Variants in LVRN observed in about 807,000 individuals in gnomAD.
The protein encoded by LVRN is aminopeptidase Q.
In LVRN, 99 loss-of-function variants were observed where a neutral mutation model predicts 111.4. The ratio of observed to expected loss-of-function variants is 0.89; its 90% CI spans 0.76 to 1.05. LVRN has a LOEUF of 1.05. Ranked by LOEUF, LVRN falls within the 50% of genes least tolerant of loss-of-function variation. The pLI is 0.00. For synonymous variants in LVRN, 488 were observed against 449.5 expected, an observed-to-expected ratio of 1.09 and a Z score of -1.08; for missense variants, 1,414 against 1,206.8, an observed-to-expected ratio of 1.17 and a Z score of -2.54.
intron 14 of LVRN, among the ~76,000 whole-genome samples, chr5:116,011,190 GTT>G (rs34031653): frequency 6.9e-6 from 1 of 144,036 alleles, no homozygotes. Context: ...TGGTATGCCT[GTT>G]TTTTTTTTTT....
intron 12 of LVRN, among the ~76,000 whole-genome samples, chr5:116,005,088 G>A (rs895401408): frequency 1.3e-5 from 2 of 152,080 alleles, no homozygotes; most frequent in African/African-American, 2.4e-5. Flanking sequence ...TTATTTCTAC[G>A]ACATAATTGG....
intron 18 of LVRN, among the ~76,000 whole-genome samples, chr5:116,018,148 T>A (rs941993917): frequency 2.6e-5 from 4 of 152,046 alleles, no homozygotes; most frequent in Non-Finnish European, 1.5e-5. Flanking sequence ...TAATTACAGT[T>A]TTCACAGCCA....
At chr5:115,982,372 G>T (rs947945794) in intron 1 of LVRN, among the ~76,000 whole-genome samples, 4 of 152,112 alleles carry the variant, frequency 2.6e-5, no homozygotes, top group Admixed American at 6.6e-5. Flanking sequence ...CAAGAATTGG[G>T]CCTGATGCAA....
intron 1 of LVRN, among the ~76,000 whole-genome samples, chr5:115,982,191 G>A (rs6883304): frequency 0.46 from 69,655 of 152,024 alleles, 16,169 homozygotes; most frequent in South Asian, 0.53. Flanking sequence ...ACCTCAAAAT[G>A]GCTGACTGAG....
chr5:116,023,919 TA>T (rs1748808407), intron 19 of LVRN, among the ~76,000 whole-genome samples: 1 of 152,136 alleles, frequency 6.6e-6, no homozygotes, highest in African/African-American at 2.4e-5. Flanking sequence ...GGTAAAAGAA[TA>T]AGGAAAAGTA....
intron 1 of LVRN, chr5:115,975,247 A>T (rs1224997223): frequency 2.2e-6 from 1 of 448,234 alleles, no homozygotes; most frequent in Non-Finnish European, 4.4e-6. Context: ...CATGTCCAGC[A>T]TATTGTCTGC....
At chr5:116,006,447 C>T (rs1748376080) in intron 13 of LVRN, among the ~76,000 whole-genome samples, 1 of 152,082 alleles carries the variant, frequency 6.6e-6, no homozygotes, top group Non-Finnish European at 1.5e-5. Flanking sequence ...CTTCTTTCCT[C>T]CTTTTTCCCT....
At chr5:115,984,447 A>G in intron 2 of LVRN, 123 bp from the exon 3 acceptor site, 1 of 1,200,542 alleles carries the variant, frequency 8.3e-7, no homozygotes. Flanking sequence ...AGAAATCTGA[A>G]CTGCTAGACT....
In LVRN at chr5:116,014,996, A is replaced by C. The variant is rs184372621; in HGVS notation, c.2451-256A>C. Among the ~76,000 whole-genome samples, 244 of 152,252 alleles carry C rather than the reference A, an allele frequency of 1.6e-3. 1 individual carries two copies. The highest frequency in any genetic ancestry group is 5.5e-3 in the African/African-American group (229 of 41,552). On this transcript the variant is annotated intron_variant, in intron 16 of 19. Coordinates refer to ENST00000357872, the MANE Select transcript of LVRN (RefSeq NM_173800.5). ...AGGAAACATGATAATCAGATACAAGACCAACTTGTATTATCAATATACTCT... is the reference window on the plus strand; with the variant it reads ...AGGAAACATGATAATCAGATACAAGCCCAACTTGTATTATCAATATACTCT...
intron 1 of LVRN, among the ~76,000 whole-genome samples, chr5:115,969,039 A>G (rs1252776405): frequency 2.0e-5 from 3 of 152,226 alleles, no homozygotes; most frequent in Non-Finnish European, 2.9e-5. Context: ...GGAATGGTTT[A>G]CAAGTCATAC....
At chr5:116,022,507 A>G (rs1335885353) in intron 19 of LVRN, 41 bp downstream of exon 19, 1 of 1,383,516 alleles carries the variant, frequency 7.2e-7, no homozygotes, top group Non-Finnish European at 1.0e-6. Context: ...GATAATTTGG[A>G]AACCACTTTT....
At chr5:116,024,112 G>C (rs1035877436) in intron 19 of LVRN, among the ~76,000 whole-genome samples, 1 of 152,152 alleles carries the variant, frequency 6.6e-6, no homozygotes, top group Admixed American at 6.5e-5. Context: ...GGACTGCAAG[G>C]ACCCTTTTTT....
chr5:116,011,364 G>T (rs145705868), intron 14 of LVRN, among the ~76,000 whole-genome samples: 189 of 151,914 alleles, frequency 1.2e-3, no homozygotes, highest in South Asian at 2.9e-3. Context: ...AAAATTTGAA[G>T]ATGCTTTTGA....
chr5:116,024,371 G>A (rs1183042385), intron 19 of LVRN, among the ~76,000 whole-genome samples: 1 of 151,952 alleles, frequency 6.6e-6, no homozygotes, highest in Non-Finnish European at 1.5e-5. Context: ...ATAAAGGCCT[G>A]AAATATGATC....
chr5:115,965,652 A>G (rs1354961055), intron 1 of LVRN, among the ~76,000 whole-genome samples: 1 of 152,072 alleles, frequency 6.6e-6, no homozygotes, highest in African/African-American at 2.4e-5. Context: ...GGTAATTGGA[A>G]CATGGGGGTG....
chr5:115,985,064 C>T (rs1018457093), intron 3 of LVRN, among the ~76,000 whole-genome samples: 2 of 152,068 alleles, frequency 1.3e-5, no homozygotes, highest in Non-Finnish European at 2.9e-5. Context: ...TGTACTTAGC[C>T]CAGGGTTAAT....
intron 12 of LVRN, among the ~76,000 whole-genome samples, chr5:116,004,236 C>G (rs910693691): frequency 6.6e-6 from 1 of 152,174 alleles, no homozygotes; most frequent in African/African-American, 2.4e-5. Flanking sequence ...TATAAAATAA[C>G]TATAAGTAAC....
intron 19 of LVRN, among the ~76,000 whole-genome samples, chr5:116,024,076 A>C (rs920635296): frequency 6.6e-6 from 1 of 152,208 alleles, no homozygotes; most frequent in Non-Finnish European, 1.5e-5. Context: ...AGGGCAGATC[A>C]GTGGTTTCCT....
chr5:115,993,792 G>A lies in LVRN; in HGVS notation c.1312G>A (p.Glu438Lys), dbSNP rs777751245. 9.3e-6 allele frequency: 15 copies of A among 1,610,892 alleles called. No individual in the cohort carries two copies. The highest frequency in any genetic ancestry group is 7.8e-5 in the South Asian group (7 of 90,036). ...MNWWNNIWLN[E>K]GFASYFEFEV... ...TTGGTGGAACAATATCTGGCTCAACGAGGGTTTTGCATCTTATTTTGAGTT... is the reference window on the plus strand; with the variant it reads ...TTGGTGGAACAATATCTGGCTCAACAAGGGTTTTGCATCTTATTTTGAGTT... The change falls in exon 6 of 20, where the codon GAG (glutamate) becomes AAG (lysine). Residue 438 changes from glutamate to lysine, a missense_variant. Coordinates refer to ENST00000357872, the MANE Select transcript of LVRN (RefSeq NM_173800.5).
Sources: gnomAD v4.1 joint callset for allele counts (sites outside exome capture counted in the v4.1 genomes callset) on GRCh38, gnomAD v4.1.1 for gene constraint, MANE v1.5 for transcripts, NCBI Gene and HGNC (gene_info 2026-07-23, HGNC 2026-07-21) for gene names.